GRM8: variants seen among roughly 807,000 people sequenced by gnomAD.
GRM8 encodes glutamate metabotropic receptor 8, also known as metabotropic glutamate receptor 8.
A neutral mutation model predicts 87.2 loss-of-function variants in GRM8; 47 were observed. The observed-to-expected ratio is 0.54, with a 90% confidence interval of 0.43 to 0.69. The LOEUF (loss-of-function observed/expected upper bound fraction) is 0.69, where lower values mean the gene tolerates loss of function less well. Ranked by LOEUF, GRM8 falls within the 30% of genes least tolerant of loss-of-function variation. The probability of loss-of-function intolerance (pLI) is 0.00; values close to 1 mark genes in which losing one functional copy is unlikely to be tolerated. For synonymous variants in GRM8, 396 were observed against 404.5 expected (o/e 0.98, Z 0.25); for missense variants, 1,019 against 1,139.2 (o/e 0.89, Z 1.52).
intron 3 of GRM8, among the ~76,000 whole-genome samples, chr7:127,000,825 ATACT>A (rs1176448161): frequency 6.6e-6 from 1 of 151,736 alleles, no homozygotes; most frequent in Non-Finnish European, 1.5e-5. Flanking sequence ...ACTGAATTGA[ATACT>A]TAAAGATGGT....
At chr7:126,900,975 A>G (rs1010003288) in intron 6 of GRM8, among the ~76,000 whole-genome samples, 7 of 152,244 alleles carry the variant, frequency 4.6e-5, no homozygotes, top group African/African-American at 1.7e-4. Context: ...GAAGAGCCTC[A>G]AGACATTGTG....
intron 9 of GRM8, among the ~76,000 whole-genome samples, chr7:126,481,005 A>G (rs1176662268): frequency 6.6e-6 from 1 of 152,128 alleles, no homozygotes; most frequent in African/African-American, 2.4e-5. Context: ...GGGCATGCCA[A>G]AGGTAAACAG....
At chr7:126,846,894 T>C (rs1796753558) in intron 6 of GRM8, among the ~76,000 whole-genome samples, 1 of 152,148 alleles carries the variant, frequency 6.6e-6, no homozygotes, top group African/African-American at 2.4e-5. Flanking sequence ...ACACAATTCC[T>C]ACCCTGGTAT....
chr7:126,640,561 G>A (rs1802272134), intron 7 of GRM8, among the ~76,000 whole-genome samples: 1 of 152,016 alleles, frequency 6.6e-6, no homozygotes, highest in Non-Finnish European at 1.5e-5. Flanking sequence ...CTCTCTCTCT[G>A]TCAGTATGGA....
chr7:126,482,040 T>G (rs1806747460), intron 9 of GRM8, among the ~76,000 whole-genome samples: 1 of 152,004 alleles, frequency 6.6e-6, no homozygotes, highest in African/African-American at 2.4e-5. Flanking sequence ...GAATGGCTAA[T>G]AAGCATATAA....
chr7:126,977,300 T>C (rs568024817), intron 3 of GRM8, among the ~76,000 whole-genome samples: 144 of 152,352 alleles, frequency 9.5e-4, no homozygotes, highest in Non-Finnish European at 6.2e-4. Context: ...TTTCATTTGA[T>C]ATGGCAAAGC....
chr7:127,086,223 C>T (rs17865138), intron 3 of GRM8, among the ~76,000 whole-genome samples: 13,148 of 152,126 alleles, frequency 0.086, 1,891 homozygotes, highest in African/African-American at 0.3. Context: ...GCCTCAGCGT[C>T]CCAAGTAGCT....
chr7:126,923,006 T>C (rs1804699985), intron 3 of GRM8, among the ~76,000 whole-genome samples: 1 of 152,138 alleles, frequency 6.6e-6, no homozygotes, highest in African/African-American at 2.4e-5. Flanking sequence ...CTTTATAAAT[T>C]ACCCAGTCTC....
chr7:126,853,430 A>G (rs1048537216), intron 6 of GRM8, among the ~76,000 whole-genome samples: 2 of 152,168 alleles, frequency 1.3e-5, no homozygotes, highest in Non-Finnish European at 2.9e-5. Context: ...CCTCTAATGG[A>G]CAAGTCTTGC....
intron 6 of GRM8, among the ~76,000 whole-genome samples, chr7:126,819,747 A>T (rs950790): frequency 0.65 from 99,288 of 151,628 alleles, 32,728 homozygotes; most frequent in African/African-American, 0.68. Flanking sequence ...TAGATTTTTT[A>T]AAAAAACTAT....
At chr7:126,605,297 C>G (rs1008051340) in intron 8 of GRM8, among the ~76,000 whole-genome samples, 1 of 152,148 alleles carries the variant, frequency 6.6e-6, no homozygotes, top group Non-Finnish European at 1.5e-5. Context: ...CAAATCCACT[C>G]TCAGGTAGAC....
At chr7:126,741,668 G>A (rs899034106) in intron 7 of GRM8, among the ~76,000 whole-genome samples, 1 of 152,046 alleles carries the variant, frequency 6.6e-6, no homozygotes, top group African/African-American at 2.4e-5. Flanking sequence ...TAAAATCCTA[G>A]CTTTGTTATT....
intron 8 of GRM8, among the ~76,000 whole-genome samples, chr7:126,596,667 A>G (rs185808182): frequency 2.0e-5 from 3 of 152,340 alleles, no homozygotes; most frequent in Admixed American, 2.0e-4. Flanking sequence ...TTACTGTGGT[A>G]GCACATACGC....
intron 3 of GRM8, among the ~76,000 whole-genome samples, chr7:127,029,243 G>A (rs1817117347): frequency 6.6e-6 from 1 of 152,148 alleles, no homozygotes; most frequent in Non-Finnish European, 1.5e-5. Context: ...GCTGAGGAGT[G>A]TTTTACTTCC....
At chr7:126,447,966 G>A (rs1251275132) in intron 9 of GRM8, among the ~76,000 whole-genome samples, 1 of 151,956 alleles carries the variant, frequency 6.6e-6, no homozygotes, top group Non-Finnish European at 1.5e-5. Flanking sequence ...ATAGGGATGT[G>A]TACGTTTACG....
At chr7:127,146,231 T>C (rs1828546831) in intron 2 of GRM8, among the ~76,000 whole-genome samples, 1 of 152,076 alleles carries the variant, frequency 6.6e-6, no homozygotes. Flanking sequence ...AGCCTCTCTG[T>C]TATATTTTCC....
At chr7:126,875,305 T>G (rs1586282114) in intron 6 of GRM8, among the ~76,000 whole-genome samples, 2 of 149,936 alleles carry the variant, frequency 1.3e-5, no homozygotes, top group Middle Eastern at 3.5e-3. Context: ...CAGAATAAAC[T>G]GTTAAAGGGC....
In GRM8 at chr7:126,581,201, T is replaced by C. The variant is rs1369613304; in HGVS notation, c.1494+28161A>G. On this transcript the variant is annotated intron_variant, in intron 8 of 10. Coordinates refer to ENST00000339582, the MANE Select transcript of GRM8 (RefSeq NM_000845.3). The stretch of plus-strand genomic sequence containing the variant: ...AATAAAAACATTGTGAAAGAGACCA[T>C]CTCCTAATGTTCAGAGTCATTAGAA... Among the ~76,000 whole-genome samples, 3 of 152,074 alleles carry C rather than the reference T, an allele frequency of 2.0e-5. No individual in the cohort carries two copies. The East Asian group carries it at 5.8e-4, about 29-fold the overall frequency.
At chr7:126,841,879 G>A (rs946972574) in intron 6 of GRM8, among the ~76,000 whole-genome samples, 17 of 151,884 alleles carry the variant, frequency 1.1e-4, no homozygotes, top group East Asian at 3.9e-4. Flanking sequence ...TTATCTGCCC[G>A]CCTCGGCCTC....
Sources: allele counts gnomAD v4.1 joint callset (sites outside exome capture counted in the v4.1 genomes callset), GRCh38; gene constraint gnomAD v4.1.1; transcripts MANE v1.5; gene names NCBI Gene and HGNC (gene_info 2026-07-23, HGNC 2026-07-21).